Variants in ZBTB20 observed in about 807,000 individuals in gnomAD.
ZBTB20 encodes zinc finger and BTB domain-containing protein 20.
In ZBTB20, 9 loss-of-function variants were observed where a neutral mutation model predicts 56.9. The observed-to-expected ratio is 0.16, with a 90% CI of 0.10 to 0.28. The LOEUF is 0.28. ZBTB20 is among the 10% of genes least tolerant of loss of function. ZBTB20 has a pLI of 1.00. For synonymous variants in ZBTB20, 417 were observed against 420.7 expected (o/e 0.99, Z 0.11); for missense variants, 655 against 1,003.0 (o/e 0.65, Z 4.69).
intron 6 of ZBTB20, among the ~76,000 whole-genome samples, chr3:114,526,948 A>G (rs561527864): frequency 1.3e-5 from 2 of 152,202 alleles, no homozygotes; most frequent in African/African-American, 4.8e-5. Context: ...TCTTTTTTCA[A>G]TAATGGAAGA....
At chr3:114,533,275 A>G (rs2048078050) in intron 6 of ZBTB20, among the ~76,000 whole-genome samples, 1 of 152,046 alleles carries the variant, frequency 6.6e-6, no homozygotes, top group South Asian at 2.1e-4. Flanking sequence ...AACTAGAATA[A>G]CCAGTTTAGA....
intron 1 of ZBTB20, among the ~76,000 whole-genome samples, chr3:115,142,696 T>C (rs1215329868): frequency 6.6e-6 from 1 of 151,924 alleles, no homozygotes; most frequent in Non-Finnish European, 1.5e-5. Flanking sequence ...AAACAATGTA[T>C]TCCATTAGTT....
At chr3:115,136,810 T>C (rs1026048105) in intron 1 of ZBTB20, among the ~76,000 whole-genome samples, 4 of 152,122 alleles carry the variant, frequency 2.6e-5, no homozygotes, top group Non-Finnish European at 4.4e-5. Context: ...ATGACCCCTT[T>C]AACACAGTAT....
chr3:114,655,908 C>A (rs1410296411), intron 6 of ZBTB20, among the ~76,000 whole-genome samples: 2 of 151,986 alleles, frequency 1.3e-5, no homozygotes, highest in African/African-American at 2.4e-5. Context: ...TAAATAGATA[C>A]TTTAAAATTT....
At chr3:114,792,769 G>C (rs2071055550) in intron 5 of ZBTB20, among the ~76,000 whole-genome samples, 1 of 151,974 alleles carries the variant, frequency 6.6e-6, no homozygotes, top group African/African-American at 2.4e-5. Flanking sequence ...CTCTGTCCTG[G>C]TTTTACCAAG....
intron 6 of ZBTB20, among the ~76,000 whole-genome samples, chr3:114,654,921 G>A (rs2060312127): frequency 6.6e-6 from 1 of 151,834 alleles, no homozygotes; most frequent in Non-Finnish European, 1.5e-5. Flanking sequence ...GTACTCCTTG[G>A]CATAAAGTCT....
chr3:114,770,549 T>C (rs939819518), intron 5 of ZBTB20, among the ~76,000 whole-genome samples: 3 of 152,094 alleles, frequency 2.0e-5, no homozygotes, highest in African/African-American at 7.2e-5. Flanking sequence ...TAATATATGA[T>C]AAGCACTTAG....
intron 6 of ZBTB20, among the ~76,000 whole-genome samples, chr3:114,507,960 A>G (rs1160595912): frequency 6.6e-6 from 1 of 152,278 alleles, no homozygotes; most frequent in East Asian, 1.9e-4. Flanking sequence ...ATGTACTTGA[A>G]TCTACTAAGG....
In ZBTB20 at chr3:114,477,559, G is replaced by A. The variant is rs1253586942; in HGVS notation, c.-255+22793C>T. ...TGCCCAGGCTGGAGTTCAATGGCACGATCTCAGCTCACCGCAACCTCTGCC... is the reference window on the plus strand; with the variant it reads ...TGCCCAGGCTGGAGTTCAATGGCACAATCTCAGCTCACCGCAACCTCTGCC... On this transcript the variant is annotated intron_variant, in intron 7 of 11. Coordinates refer to ENST00000675478, the MANE Select transcript of ZBTB20 (RefSeq NM_001348800.3). Among the ~76,000 whole-genome samples the A allele has an allele frequency of 5.6e-5, 8 of 142,762 alleles. No individual in the cohort carries two copies. The South Asian group carries it at 1.3e-3, about 24-fold the overall frequency. 93.7% of individuals were successfully genotyped at this position (142,762 alleles called of 152,430 possible).
At chr3:114,566,491 G>C (rs964562594) in intron 6 of ZBTB20, among the ~76,000 whole-genome samples, 15 of 152,134 alleles carry the variant, frequency 9.9e-5, no homozygotes, top group Admixed American at 2.0e-4. Flanking sequence ...CTTGAAGTCT[G>C]ACCTCACTAA....
intron 6 of ZBTB20, among the ~76,000 whole-genome samples, chr3:114,552,835 A>T (rs1043933382): frequency 3.3e-5 from 5 of 152,206 alleles, no homozygotes; most frequent in African/African-American, 1.2e-4. Context: ...ACAAAGGTGG[A>T]AGCTTCAAAT....
intron 7 of ZBTB20, among the ~76,000 whole-genome samples, chr3:114,443,146 A>G (rs1226855806): frequency 6.6e-6 from 1 of 152,190 alleles, no homozygotes; most frequent in Non-Finnish European, 1.5e-5. Context: ...AGGACATTCA[A>G]CACAGATTCA....
chr3:114,341,264 C>CT lies in ZBTB20; in HGVS notation c.1805-1839dup, dbSNP rs35387583. ...CTATGCATAGTGTTTACATTGGTACCTTTTTTTTTTTTGAAGTAAGAGATT... is the reference window on the plus strand; with the variant it reads ...CTATGCATAGTGTTTACATTGGTACCTTTTTTTTTTTTTGAAGTAAGAGATT... On this transcript the variant is annotated intron_variant, in intron 11 of 11. Coordinates refer to ENST00000675478, the MANE Select transcript of ZBTB20 (RefSeq NM_001348800.3). Among the ~76,000 whole-genome samples the CT allele has an allele frequency of 3.2e-4, 48 of 148,656 alleles. 1 individual carries two copies. The highest frequency in any genetic ancestry group is 3.5e-3 in the Middle Eastern group (1 of 288).
chr3:114,380,766 G>T lies in ZBTB20; in HGVS notation c.11+11C>A. 6.6e-7 allele frequency: 1 copy of T among 1,505,998 alleles called. No individual in the cohort carries two copies. 93.3% of individuals were successfully genotyped at this position (1,505,998 alleles called of 1,614,324 possible). On this transcript the variant is annotated intron_variant, in intron 9 of 11. Transcript: ENST00000675478. ...TAACATGGTCTGGAAAAATACTAGT[G>T]GAAGTTTTACCGTTCTAGCATTTGT...
intron 6 of ZBTB20, among the ~76,000 whole-genome samples, chr3:114,517,881 A>G (rs770895989): frequency 2.0e-5 from 3 of 152,016 alleles, no homozygotes; most frequent in Non-Finnish European, 4.4e-5. Flanking sequence ...GCCATTTGAC[A>G]TGTATTTTTT....
At chr3:114,620,887 A>G (rs964083120) in intron 6 of ZBTB20, among the ~76,000 whole-genome samples, 16 of 152,352 alleles carry the variant, frequency 1.1e-4, no homozygotes, top group Non-Finnish European at 8.8e-5. Context: ...ACTTCAGAGA[A>G]AAAGTGTGAC....
intron 2 of ZBTB20, among the ~76,000 whole-genome samples, chr3:115,017,465 T>C (rs1054506242): frequency 1.3e-5 from 2 of 151,674 alleles, no homozygotes; most frequent in Non-Finnish European, 3.0e-5. Flanking sequence ...CCCAAAGTAA[T>C]TTATAGATTC....
chr3:114,581,080 C>T (rs2054592973), intron 6 of ZBTB20, among the ~76,000 whole-genome samples: 1 of 151,612 alleles, frequency 6.6e-6, no homozygotes, highest in Non-Finnish European at 1.5e-5. Flanking sequence ...GGTGTTAGTA[C>T]AAGGATAGAA....
chr3:114,600,899 C>T (rs1262463710), intron 6 of ZBTB20, among the ~76,000 whole-genome samples: 1 of 151,810 alleles, frequency 6.6e-6, no homozygotes, highest in African/African-American at 2.4e-5. Context: ...TAACAACCTG[C>T]TGCATTTTGT....
Sources: gnomAD v4.1 joint callset for allele counts (sites outside exome capture counted in the v4.1 genomes callset) on GRCh38, gnomAD v4.1.1 for gene constraint, MANE v1.5 for transcripts, NCBI Gene and HGNC (gene_info 2026-07-23, HGNC 2026-07-21) for gene names.